Variants in SLC6A6 observed in about 807,000 individuals in gnomAD.
SLC6A6 encodes the protein sodium- and chloride-dependent taurine transporter.
SLC6A6 carries 16 observed loss-of-function variants against 68.8 expected under a neutral mutation model. The observed-to-expected ratio is 0.23, with a 90% CI of 0.16 to 0.35. The LOEUF is 0.35. Ranked by LOEUF, SLC6A6 falls within the 10% of genes least tolerant of loss-of-function variation. The probability of loss-of-function intolerance (pLI) is 1.00; values close to 1 mark genes in which losing one functional copy is unlikely to be tolerated. For missense variants in SLC6A6, 474 were observed against 802.8 expected (o/e 0.59, Z 4.95); for synonymous variants, 312 against 315.4 (o/e 0.99, Z 0.12).
chr3:14,481,675 G>T lies in SLC6A6; in HGVS notation c.1556G>T (p.Cys519Phe), dbSNP rs1397408078. Residue 519 changes from cysteine to phenylalanine, a missense_variant, in exon 14 of 15, where the codon TGT (cysteine) becomes TTT (phenylalanine). Around this residue, in one of 2 missense-constraint regions of SLC6A6, gnomAD observed 194 missense variants for 269.8 expected, o/e 0.72. Transcript: ENST00000622186. The surrounding 1 kb of genome is among the most constrained non-coding windows in gnomAD (Gnocchi z 4.7). ...ACTGCCCCCATCTCTCCGCAGGGAT[G>T]TTTCATCTTCTCGCTCGTCAAGTAC... is the stretch of plus-strand genomic sequence containing the variant. ...AVITPVLCVGCFIFSLVKYVP... is the reference protein window; with the variant it reads ...AVITPVLCVGFFIFSLVKYVP... 1.1e-5 allele frequency: 17 copies of T among 1,610,688 alleles called. No homozygotes were observed. The highest frequency in any genetic ancestry group is 1.4e-5 in the Non-Finnish European group (16 of 1,177,890).
At chr3:14,435,940 C>T (rs566777173) in intron 2 of SLC6A6, among the ~76,000 whole-genome samples, 5 of 152,310 alleles carry the variant, frequency 3.3e-5, no homozygotes, top group African/African-American at 7.2e-5. Context: ...CTCTTCCCTG[C>T]GACCTCCCCA....
Position 14,468,242 on chromosome 3 carries a change from G to A in SLC6A6, c.1096+30G>A. On this transcript the variant is annotated intron_variant, in intron 9 of 14. Transcript: ENST00000622186. The surrounding 1 kb of genome is among the most constrained non-coding windows in gnomAD (Gnocchi z 4.5). ...GGTGGTATCGGTGGCAGTGGTGGTG[G>A]GCACTGCCACCTAGTGTGTAAGCCA... is the stretch of plus-strand genomic sequence containing the variant. 6.2e-7 allele frequency: 1 copy of A among 1,600,536 alleles called. No homozygotes were observed. Among genetic ancestry groups the A allele is most frequent in the Non-Finnish European group, 8.5e-7 (1 of 1,171,570 alleles).
At chr3:14,471,851 A>C (rs1428079275) in intron 9 of SLC6A6, among the ~76,000 whole-genome samples, 1 of 152,028 alleles carries the variant, frequency 6.6e-6, no homozygotes, top group Non-Finnish European at 1.5e-5. Flanking sequence ...AAGGCTGTCC[A>C]CTCAATGGCT....
intron 6 of SLC6A6, among the ~76,000 whole-genome samples, chr3:14,462,386 G>A (rs1195572862): frequency 6.6e-6 from 1 of 152,182 alleles, no homozygotes; most frequent in African/African-American, 2.4e-5. Context: ...TCCAAAGAGA[G>A]TTTTGAGAAC....
intron 5 of SLC6A6, chr3:14,448,059 C>A: frequency 8.2e-7 from 1 of 1,225,678 alleles, no homozygotes; most frequent in Non-Finnish European, 1.1e-6. Flanking sequence ...GTTTCTTTAC[C>A]TGTAAGATAA....
In SLC6A6 at chr3:14,470,219, GT is replaced by G. The variant is rs539792017; in HGVS notation, c.1097-1980del. Reference sequence around the variant, plus strand: ...GACACATATATTGTCAATCTCAGTTGTTTTTTCCTCCCGTCCACTTCAAACA... The same window carrying G: ...GACACATATATTGTCAATCTCAGTTGTTTTTCCTCCCGTCCACTTCAAACA... On this transcript the variant is annotated intron_variant, in intron 9 of 14. Transcript: ENST00000622186. 6.0e-3 allele frequency among the ~76,000 whole-genome samples: 909 copies of G among 152,262 alleles called. 1 individual carries two copies. Among genetic ancestry groups the G allele is most frequent in the Non-Finnish European group, 9.4e-3 (642 of 68,014 alleles).
At position 14,484,950 on chromosome 3, in the gene SLC6A6, C is replaced by A; in HGVS notation, c.1806C>A (p.Thr602=). 1 of 1,613,068 alleles carries A rather than the reference C, an allele frequency of 6.2e-7. No homozygotes were observed. Among genetic ancestry groups the A allele is most frequent in the Non-Finnish European group, 8.5e-7 (1 of 1,179,898 alleles). The change falls in exon 15 of 15, where the codon ACC becomes ACA. Residue 602 remains threonine (T), a synonymous_variant. Transcript: ENST00000622186. ...REGATPYNSR[T]VMNGALVKPT... Reference sequence around the variant, plus strand: ...GAGCCACACCTTACAACTCTCGCACCGTCATGAACGGCGCTCTCGTGAAAC... The same window carrying A: ...GAGCCACACCTTACAACTCTCGCACAGTCATGAACGGCGCTCTCGTGAAAC...
intron 5 of SLC6A6, among the ~76,000 whole-genome samples, chr3:14,453,859 G>A (rs920808883): frequency 6.6e-6 from 1 of 152,190 alleles, no homozygotes; most frequent in African/African-American, 2.4e-5. Flanking sequence ...GCTGAGGGAA[G>A]CAGTTAGGTC....
intron 6 of SLC6A6, among the ~76,000 whole-genome samples, chr3:14,464,736 T>C (rs992643186): frequency 6.6e-6 from 1 of 152,164 alleles, no homozygotes; most frequent in Non-Finnish European, 1.5e-5. Context: ...CACCCCCAAC[T>C]CCATGGGCAC....
chr3:14,434,872 T>TG (rs958477303), intron 2 of SLC6A6, among the ~76,000 whole-genome samples: 3 of 152,220 alleles, frequency 2.0e-5, no homozygotes, highest in African/African-American at 7.2e-5. Context: ...TCTGGGGCTT[T>TG]GGGCCAGGTC....
In SLC6A6 at chr3:14,430,519, T is replaced by G. The variant is rs558280773; in HGVS notation, c.-11-13105T>G. On this transcript the variant is annotated intron_variant, in intron 2 of 14. Coordinates refer to ENST00000622186, the MANE Select transcript of SLC6A6 (RefSeq NM_003043.6). ...CCCCTGCACGTAGGAAGACCACAGT[T>G]GAGAAGCGTCGGTCCTCCCTGCATC... 5.3e-5 allele frequency among the ~76,000 whole-genome samples: 8 copies of G among 152,318 alleles called. No homozygotes were observed. In the South Asian group the frequency reaches 1.7e-3, roughly 32 times the overall value.
At chr3:14,407,207 T>C (rs1380691328) in intron 1 of SLC6A6, among the ~76,000 whole-genome samples, 1 of 151,200 alleles carries the variant, frequency 6.6e-6, no homozygotes, top group Non-Finnish European at 1.5e-5. Context: ...GCACCACCAC[T>C]CCAGGCTAAT....
At chr3:14,403,891 G>A (rs1699045288) in intron 1 of SLC6A6, among the ~76,000 whole-genome samples, 1 of 152,254 alleles carries the variant, frequency 6.6e-6, no homozygotes, top group South Asian at 2.1e-4. Context: ...CAGGCAGGGA[G>A]GTGTGTGCCG....
intron 2 of SLC6A6, among the ~76,000 whole-genome samples, chr3:14,417,302 A>G (rs2124906349): frequency 6.6e-6 from 1 of 152,374 alleles, no homozygotes; most frequent in South Asian, 2.1e-4. Context: ...AACATTTGCC[A>G]CATTCGCTTC....
intron 9 of SLC6A6, among the ~76,000 whole-genome samples, chr3:14,469,592 C>G (rs1239579927): frequency 2.0e-5 from 3 of 152,222 alleles, no homozygotes; most frequent in Admixed American, 2.0e-4. Flanking sequence ...TTCTGAACAT[C>G]CTGTCCACTA....
Position 14,472,970 on chromosome 3 carries a change from A to G in SLC6A6, c.1209+653A>G, listed in dbSNP as rs1212718368. Among the ~76,000 whole-genome samples the G allele has an allele frequency of 1.3e-5, 2 of 152,166 alleles. No individual in the cohort carries two copies. Among genetic ancestry groups the G allele is most frequent in the Admixed American group, 6.5e-5 (1 of 15,286 alleles). On this transcript the variant is annotated intron_variant, in intron 10 of 14. Coordinates refer to ENST00000622186, the MANE Select transcript of SLC6A6 (RefSeq NM_003043.6). The surrounding 1 kb of genome is among the most constrained non-coding windows in gnomAD (Gnocchi z 4.5). Reference sequence around the variant, plus strand: ...GTCCTGGCTTCTCCCCTCCCAAGGCAGGACTCCTGTCTCCACTGAGGTTCT... The same window carrying G: ...GTCCTGGCTTCTCCCCTCCCAAGGCGGGACTCCTGTCTCCACTGAGGTTCT...
intron 2 of SLC6A6, among the ~76,000 whole-genome samples, chr3:14,436,241 C>T (rs934323897): frequency 1.3e-5 from 2 of 152,142 alleles, no homozygotes; most frequent in African/African-American, 2.4e-5. Context: ...TGCTCTGTCA[C>T]CCAGCCTGGA....
rs1353970141 is a variant in SLC6A6, at chr3:14,487,972, C to T, written c.*2965C>T. 1.3e-5 allele frequency: 2 copies of T among 152,710 alleles called. No homozygotes were observed. Among genetic ancestry groups the T allele is most frequent in the Non-Finnish European group, 2.9e-5 (2 of 68,106 alleles). 9.5% of individuals were successfully genotyped at this position (152,710 alleles called of 1,614,324 possible). On this transcript the variant is annotated 3_prime_UTR_variant, in exon 15 of 15. Coordinates refer to ENST00000622186, the MANE Select transcript of SLC6A6 (RefSeq NM_003043.6). ...GCAGCAGCCACACTCCCACCATCCT[C>T]ACAGAATTCCTGGACCCATGCGGTG...
In SLC6A6 at chr3:14,468,578, C is replaced by T. The variant is rs1444869723; in HGVS notation, c.1096+366C>T. Among the ~76,000 whole-genome samples the T allele has an allele frequency of 6.6e-6, 1 of 152,092 alleles. No individual in the cohort carries two copies. The highest frequency in any genetic ancestry group is 2.4e-5 in the African/African-American group (1 of 41,408). On this transcript the variant is annotated intron_variant, in intron 9 of 14. Coordinates refer to ENST00000622186, the MANE Select transcript of SLC6A6 (RefSeq NM_003043.6). This position sits in a 1 kb window ranked among gnomAD's most constrained non-coding sequence, Gnocchi z 4.5. ...CCAAGTCAGCCACCAATCGGCATTC[C>T]ATCACCACCTTCTCAGCCTTGGTTT...
Sources: allele counts gnomAD v4.1 joint callset (sites outside exome capture counted in the v4.1 genomes callset), GRCh38; gene constraint gnomAD v4.1.1; regional missense constraint gnomAD v4.1.1; non-coding constraint Gnocchi (gnomAD v3.1); transcripts MANE v1.5; gene names NCBI Gene and HGNC (gene_info 2026-07-23, HGNC 2026-07-21).